Variants in RBMS3 observed in about 807,000 individuals in gnomAD.
RBMS3 encodes the protein RNA-binding motif, single-stranded-interacting protein 3.
RBMS3 carries 27 observed loss-of-function variants against 66.8 expected under a neutral mutation model. The observed-to-expected ratio is 0.40, with a 90% CI of 0.30 to 0.56. The LOEUF is 0.56. RBMS3 is among the 20% of genes least tolerant of loss of function. The pLI, the probability that RBMS3 is intolerant of heterozygous loss-of-function variation, is 0.40. For synonymous variants in RBMS3, 188 were observed against 183.0 expected, an observed-to-expected ratio of 1.03 and a Z score of -0.22; for missense variants, 513 against 549.5, an observed-to-expected ratio of 0.93 and a Z score of 0.66.
intron 4 of RBMS3, among the ~76,000 whole-genome samples, chr3:29,650,361 A>G (rs1175723872): frequency 2.0e-5 from 3 of 150,228 alleles, no homozygotes; most frequent in Admixed American, 2.0e-4. Flanking sequence ...CGTGATCACA[A>G]CTCAATACAG....
At chr3:29,917,370 T>G (rs977997630) in intron 10 of RBMS3, among the ~76,000 whole-genome samples, 1 of 152,066 alleles carries the variant, frequency 6.6e-6, no homozygotes, top group Non-Finnish European at 1.5e-5. Context: ...AAAAGGTCAT[T>G]CTTTCTCTCT....
At chr3:29,831,283 C>A (rs1177147908) in intron 6 of RBMS3, among the ~76,000 whole-genome samples, 5 of 152,088 alleles carry the variant, frequency 3.3e-5, no homozygotes, top group African/African-American at 9.7e-5. Flanking sequence ...CTTTTGAGGA[C>A]TGAGTAGAAG....
chr3:29,656,212 C>A (rs796740170), intron 4 of RBMS3, among the ~76,000 whole-genome samples: 4 of 152,254 alleles, frequency 2.6e-5, no homozygotes, highest in African/African-American at 9.6e-5. Flanking sequence ...CAACGATGTT[C>A]TAGGCCCTCA....
Position 30,008,404 on chromosome 3 carries a change from A to C in RBMS3, c.*4542A>C, listed in dbSNP as rs772648629. On this transcript the variant is annotated 3_prime_UTR_variant, in exon 15 of 15. Transcript: ENST00000383767. ...TGATTTGAAATCAAGTAAAGGGACAATGTTTATGTACGTGTATAACAACAT... is the reference window on the plus strand; with the variant it reads ...TGATTTGAAATCAAGTAAAGGGACACTGTTTATGTACGTGTATAACAACAT... The C allele has an allele frequency of 6.6e-6, 1 of 152,130 alleles. No homozygotes were observed. The highest frequency in any genetic ancestry group is 1.5e-5 in the Non-Finnish European group (1 of 67,986). 9.4% of individuals were successfully genotyped at this position (152,130 alleles called of 1,614,324 possible).
intron 4 of RBMS3, among the ~76,000 whole-genome samples, chr3:29,722,175 C>A (rs2053669039): frequency 6.6e-6 from 1 of 152,036 alleles, no homozygotes; most frequent in Admixed American, 6.6e-5. Flanking sequence ...AAATTAACAG[C>A]TTGTTTATTT....
intron 4 of RBMS3, among the ~76,000 whole-genome samples, chr3:29,666,624 G>T (rs2050771386): frequency 2.2e-5 from 1 of 45,648 alleles, no homozygotes; most frequent in South Asian, 1.2e-3. Flanking sequence ...TATACGATTT[G>T]ATTATGCAAA....
intron 4 of RBMS3, among the ~76,000 whole-genome samples, chr3:29,663,249 G>A (rs2050625092): frequency 1.4e-5 from 2 of 145,496 alleles, no homozygotes; most frequent in South Asian, 4.6e-4. Context: ...AAGAGAGAGA[G>A]AGACAGATAG....
At chr3:29,930,514 C>G in intron 10 of RBMS3, among the ~76,000 whole-genome samples, 1 of 151,902 alleles carries the variant, frequency 6.6e-6, no homozygotes, top group East Asian at 1.9e-4. Context: ...TTTCTGAACC[C>G]TAGCACTAAT....
At chr3:29,483,749 CAT>C (rs1164445199) in intron 2 of RBMS3, among the ~76,000 whole-genome samples, 2 of 152,182 alleles carry the variant, frequency 1.3e-5, no homozygotes, top group African/African-American at 2.4e-5. Flanking sequence ...ATCTCTAAGA[CAT>C]ATAAAAATCA....
At chr3:29,419,709 C>T (rs964446836) in intron 1 of RBMS3, among the ~76,000 whole-genome samples, 10 of 152,124 alleles carry the variant, frequency 6.6e-5, no homozygotes, top group South Asian at 4.1e-4. Flanking sequence ...ATCCATTATT[C>T]GCCAAAGTGT....
chr3:29,971,006 A>G (rs1377033020), intron 12 of RBMS3, among the ~76,000 whole-genome samples: 1 of 151,962 alleles, frequency 6.6e-6, no homozygotes, highest in Non-Finnish European at 1.5e-5. Flanking sequence ...CTCTCTTCCC[A>G]TCTTTCTTAG....
intron 4 of RBMS3, among the ~76,000 whole-genome samples, chr3:29,719,145 C>A (rs567825231): frequency 6.6e-6 from 1 of 152,244 alleles, no homozygotes; most frequent in South Asian, 2.1e-4. Context: ...CTCTCCATTT[C>A]TAATGATTCC....
chr3:29,287,334 C>G (rs561150930), intron 1 of RBMS3, among the ~76,000 whole-genome samples: 2 of 152,124 alleles, frequency 1.3e-5, no homozygotes, highest in South Asian at 4.1e-4. Context: ...ATTCAAAAAG[C>G]AAAAGTGACT....
chr3:29,695,160 A>G (rs191117046), intron 4 of RBMS3, among the ~76,000 whole-genome samples: 93 of 152,270 alleles, frequency 6.1e-4, no homozygotes, highest in Middle Eastern at 3.4e-3. Flanking sequence ...GTTTGTTCAT[A>G]TTAGGATCTC....
chr3:29,784,690 G>A (rs1261339524), intron 6 of RBMS3, among the ~76,000 whole-genome samples: 2 of 151,850 alleles, frequency 1.3e-5, no homozygotes, highest in Non-Finnish European at 2.9e-5. Context: ...AAAGATCAGA[G>A]CAGAACTAAA....
chr3:29,851,818 T>C (rs530763706), intron 6 of RBMS3, among the ~76,000 whole-genome samples: 24 of 152,224 alleles, frequency 1.6e-4, no homozygotes, highest in African/African-American at 5.5e-4. Context: ...GGAACAGAAC[T>C]AGAAAAAACT....
At chr3:29,950,356 C>T (rs1321263335) in intron 12 of RBMS3, among the ~76,000 whole-genome samples, 1 of 151,822 alleles carries the variant, frequency 6.6e-6, no homozygotes, top group East Asian at 1.9e-4. Context: ...CCTCAGTCAT[C>T]TACAAAAGGG....
At chr3:29,566,464 C>T (rs1410765484) in intron 3 of RBMS3, among the ~76,000 whole-genome samples, 2 of 151,946 alleles carry the variant, frequency 1.3e-5, no homozygotes, top group Non-Finnish European at 2.9e-5. Context: ...GTTGCCTGTC[C>T]TGCACTGTTC....
At chr3:29,416,015 A>G (rs1050961634) in intron 1 of RBMS3, among the ~76,000 whole-genome samples, 1 of 152,192 alleles carries the variant, frequency 6.6e-6, no homozygotes, top group Admixed American at 6.5e-5. Flanking sequence ...GTGGAAACGC[A>G]TAGGAAAAGC....
Sources: gnomAD v4.1 joint callset for allele counts (sites outside exome capture counted in the v4.1 genomes callset) on GRCh38, gnomAD v4.1.1 for gene constraint, MANE v1.5 for transcripts, NCBI Gene and HGNC (gene_info 2026-07-23, HGNC 2026-07-21) for gene names.